ATOSA: variants seen among roughly 807,000 people sequenced by gnomAD.
ATOSA encodes the protein atos homolog A, also known as atos homolog protein A.
At chr15:52,581,429 A>G in the ATOSA span, 18 of 152,230 alleles carry the variant, frequency 1.2e-4, no homozygotes, top group Non-Finnish European at 2.2e-4. Context: ...AATTTAATGT[A>G]AAGACTCTAT....
the ATOSA span, among the ~76,000 whole-genome samples, chr15:52,588,857 A>G: frequency 2.0e-5 from 3 of 152,246 alleles, no homozygotes; most frequent in Admixed American, 6.5e-5. Flanking sequence ...TCTACATTTC[A>G]TGATTTCATT....
the ATOSA span, chr15:52,585,124 A>G: frequency 2.0e-6 from 1 of 511,734 alleles, no homozygotes; most frequent in Non-Finnish European, 3.3e-6. Context: ...ATTATTTTTT[A>G]AAAGGTTCAA....
chr15:52,623,981 G>A, the ATOSA span, among the ~76,000 whole-genome samples: 1 of 152,116 alleles, frequency 6.6e-6, no homozygotes, highest in African/African-American at 2.4e-5. Context: ...CAAATGGTAG[G>A]AGATTCTCCT....
At chr15:52,627,160 T>C in the ATOSA span, among the ~76,000 whole-genome samples, 91 of 152,196 alleles carry the variant, frequency 6.0e-4, no homozygotes, top group African/African-American at 2.0e-3. Flanking sequence ...ATTCTAAACC[T>C]GATACTTTCA....
At chr15:52,584,290 C>T in the ATOSA span, among the ~76,000 whole-genome samples, 5 of 151,542 alleles carry the variant, frequency 3.3e-5, no homozygotes, top group African/African-American at 1.2e-4. Flanking sequence ...TACAGGCTCC[C>T]ACCACCATGC....
the ATOSA span, among the ~76,000 whole-genome samples, chr15:52,624,471 G>A: frequency 6.6e-6 from 1 of 152,062 alleles, no homozygotes; most frequent in Non-Finnish European, 1.5e-5. Flanking sequence ...CCTCCTCATG[G>A]GTAAATTTCA....
chr15:52,665,457 G>A, the ATOSA span, among the ~76,000 whole-genome samples: 20 of 152,298 alleles, frequency 1.3e-4, no homozygotes, highest in Non-Finnish European at 1.5e-4. Context: ...TCATTTGTGT[G>A]AGTTTTGCTC....
the ATOSA span, among the ~76,000 whole-genome samples, chr15:52,677,196 T>C: frequency 6.6e-6 from 1 of 152,184 alleles, no homozygotes; most frequent in African/African-American, 2.4e-5. Context: ...CCTAAAGACT[T>C]GGATTTGGAA....
At chr15:52,630,434 G>T in the ATOSA span, among the ~76,000 whole-genome samples, 1 of 151,914 alleles carries the variant, frequency 6.6e-6, no homozygotes, top group East Asian at 1.9e-4. Flanking sequence ...AATCCTGAAA[G>T]GTTAATGAAT....
chr15:52,608,060 TA>T, the ATOSA span, among the ~76,000 whole-genome samples: 3 of 152,130 alleles, frequency 2.0e-5, no homozygotes, highest in Non-Finnish European at 4.4e-5. Flanking sequence ...TTTATTTATT[TA>T]TTTTTTTTTG....
chr15:52,584,106 A>G, the ATOSA span, among the ~76,000 whole-genome samples: 79 of 151,066 alleles, frequency 5.2e-4, no homozygotes, highest in African/African-American at 1.8e-3. Context: ...AAAAAAAAAA[A>G]AAAAGAAAAA....
At chr15:52,607,029 T>C in the ATOSA span, among the ~76,000 whole-genome samples, 6 of 152,318 alleles carry the variant, frequency 3.9e-5, no homozygotes, top group African/African-American at 1.4e-4. Flanking sequence ...TTTATGTATA[T>C]AGTACATTAA....
chr15:52,668,446 A>G, the ATOSA span, among the ~76,000 whole-genome samples: 3 of 152,332 alleles, frequency 2.0e-5, no homozygotes, highest in East Asian at 5.8e-4. Flanking sequence ...AACAGATACA[A>G]AATTACAGTT....
the ATOSA span, among the ~76,000 whole-genome samples, chr15:52,655,092 G>C: frequency 6.6e-5 from 10 of 152,098 alleles, no homozygotes; most frequent in African/African-American, 2.4e-4. Context: ...CTAGAACCAA[G>C]TGGGTAAAGC....
chr15:52,623,392 T>C, the ATOSA span, among the ~76,000 whole-genome samples: 1 of 152,098 alleles, frequency 6.6e-6, no homozygotes, highest in Non-Finnish European at 1.5e-5. Flanking sequence ...GAGGTTATTA[T>C]AGTTGTCCAG....
the ATOSA span, among the ~76,000 whole-genome samples, chr15:52,592,253 G>A: frequency 6.6e-6 from 1 of 152,256 alleles, no homozygotes; most frequent in Middle Eastern, 3.4e-3. Flanking sequence ...AGTAAGTTAG[G>A]AAATTCAAGC....
chr15:52,684,728 T>TC, the ATOSA span, among the ~76,000 whole-genome samples: 11 of 152,344 alleles, frequency 7.2e-5, no homozygotes, highest in African/African-American at 2.6e-4. Flanking sequence ...TTTCTTTCTT[T>TC]TTTTCAAATT....
At chr15:52,608,722 T>G in the ATOSA span, 2 of 1,612,528 alleles carry the variant, frequency 1.2e-6, no homozygotes, top group Non-Finnish European at 1.7e-6. Context: ...GAAACCTTCA[T>G]TATCTTTATT....
chr15:52,603,065 C>T, the ATOSA span, among the ~76,000 whole-genome samples: 1 of 152,166 alleles, frequency 6.6e-6, no homozygotes, highest in African/African-American at 2.4e-5. Context: ...GTGCTTTTTA[C>T]ACCAGCAAGA....
Sources: allele counts gnomAD v4.1 joint callset (sites outside exome capture counted in the v4.1 genomes callset), GRCh38; gene constraint gnomAD v4.1.1; transcripts MANE v1.5; gene names NCBI Gene and HGNC (gene_info 2026-07-23, HGNC 2026-07-21).